LRRK1: variants seen among roughly 807,000 people sequenced by gnomAD.
LRRK1 encodes leucine rich repeat kinase 1, also known as leucine-rich repeat serine/threonine-protein kinase 1.
LRRK1 carries 113 observed loss-of-function variants against 209.1 expected under a neutral mutation model. That is an observed-to-expected ratio of 0.54 (90% CI 0.46 to 0.63). The LOEUF is 0.63. Among genes scored for constraint, LRRK1 ranks in the 30% least tolerant of loss-of-function variants. The pLI, the probability that LRRK1 is intolerant of heterozygous loss-of-function variation, is 0.00. For missense variants in LRRK1, 2,284 were observed against 2,632.2 expected, an observed-to-expected ratio of 0.87 and a Z score of 2.89; for synonymous variants, 1,144 against 1,099.7, an observed-to-expected ratio of 1.04 and a Z score of -0.80.
In LRRK1 at chr15:101,074,875, T is replaced by A. The variant is rs967632485; in HGVS notation, c.*6027T>A. On this transcript the variant is annotated 3_prime_UTR_variant, in exon 34 of 34. Coordinates refer to ENST00000388948, the MANE Select transcript of LRRK1 (RefSeq NM_024652.6). ...GCAGCCCAGGATTCCTCCTAAGCCGTGTCCCATCTGTGCGGGACCCCACTG... is the reference window on the plus strand; with the variant it reads ...GCAGCCCAGGATTCCTCCTAAGCCGAGTCCCATCTGTGCGGGACCCCACTG... 1.3e-5 allele frequency: 2 copies of A among 151,972 alleles called. No homozygotes were observed. Among genetic ancestry groups the A allele is most frequent in the East Asian group, 3.9e-4 (2 of 5,144 alleles). 9.4% of individuals were successfully genotyped at this position (151,972 alleles called of 1,614,324 possible). A position where few individuals can be genotyped will look rare whatever the true frequency, so the allele number is the denominator to read the frequency against.
chr15:101,069,066 C>A lies in LRRK1; in HGVS notation c.*218C>A. On this transcript the variant is annotated 3_prime_UTR_variant, in exon 34 of 34. Transcript: ENST00000388948. ...AGAGTTCTCTGAATACCCCATCCCCCAACTGCTGATTTTACAGCCCCAGGG... is the reference window on the plus strand; with the variant it reads ...AGAGTTCTCTGAATACCCCATCCCCAAACTGCTGATTTTACAGCCCCAGGG... The A allele has an allele frequency of 2.2e-6, 1 of 446,594 alleles. No individual in the cohort carries two copies. 27.7% of individuals were successfully genotyped at this position (446,594 alleles called of 1,614,324 possible).
chr15:101,006,134 G>GTAGCA (rs1322598952), intron 6 of LRRK1, among the ~76,000 whole-genome samples: 25 of 152,286 alleles, frequency 1.6e-4, no homozygotes, highest in African/African-American at 5.8e-4. Flanking sequence ...AGACCAAACA[G>GTAGCA]GGCACCACCT....
chr15:100,946,884 T>C (rs1049652685), intron 2 of LRRK1, among the ~76,000 whole-genome samples: 1 of 152,228 alleles, frequency 6.6e-6, no homozygotes, highest in African/African-American at 2.4e-5. Context: ...TAGAAAACTA[T>C]TTTCAACACA....
chr15:101,032,599 T>C (rs374575382), intron 20 of LRRK1, among the ~76,000 whole-genome samples: 27 of 152,336 alleles, frequency 1.8e-4, no homozygotes, highest in African/African-American at 4.8e-4. Flanking sequence ...CTTGACAATC[T>C]TTCTTTATTT....
At position 101,073,733 on chromosome 15, in the gene LRRK1, C is replaced by A. The variant is rs975657920; in HGVS notation, c.*4885C>A. On this transcript the variant is annotated 3_prime_UTR_variant, in exon 34 of 34. Coordinates refer to ENST00000388948, the MANE Select transcript of LRRK1 (RefSeq NM_024652.6). The stretch of plus-strand genomic sequence containing the variant: ...TCCCACTTTTCTGGAGAGTAAGAAC[C>A]CCTGAACCGCTTCTCTCCGTGTCTC... The A allele has an allele frequency of 2.6e-5, 4 of 151,586 alleles. No homozygotes were observed. The highest frequency in any genetic ancestry group is 4.9e-5 in the African/African-American group (2 of 41,170). The allele number at this position is 151,586 out of a possible 1,614,324, so 9.4% of individuals were successfully genotyped here.
chr15:101,018,063 C>T (rs1404343859), intron 12 of LRRK1, among the ~76,000 whole-genome samples: 1 of 151,134 alleles, frequency 6.6e-6, no homozygotes, highest in East Asian at 1.9e-4. Flanking sequence ...CAGTGGGAAG[C>T]ATCATAAACC....
chr15:100,970,386 T>A (rs2030782785), intron 2 of LRRK1, among the ~76,000 whole-genome samples: 1 of 152,204 alleles, frequency 6.6e-6, no homozygotes, highest in Non-Finnish European at 1.5e-5. Flanking sequence ...CCAGCACTTT[T>A]TACTGAAAAG....
intron 20 of LRRK1, among the ~76,000 whole-genome samples, chr15:101,044,720 G>A (rs1002872435): frequency 3.3e-5 from 5 of 152,230 alleles, no homozygotes; most frequent in African/African-American, 1.2e-4. Flanking sequence ...CTCCGACAAG[G>A]AGAAGAGCAA....
At chr15:101,067,057 A>G (rs1322581035) in intron 33 of LRRK1, among the ~76,000 whole-genome samples, 1 of 152,198 alleles carries the variant, frequency 6.6e-6, no homozygotes, top group African/African-American at 2.4e-5. Flanking sequence ...CATCCAGGTC[A>G]TTGATTCACT....
At position 101,056,978 on chromosome 15, in the gene LRRK1, G is replaced by A; in HGVS notation, c.4455G>A (p.Gly1485=). The change falls in exon 28 of 34, where the codon GGG becomes GGA. Residue 1485 remains glycine, a synonymous_variant. Coordinates refer to ENST00000388948, the MANE Select transcript of LRRK1 (RefSeq NM_024652.6). ...CCAAGGGCATCCGCCCGGTTCTGGG[G>A]CAGCCGGAGGAAGTGCAGTTCCGGC... The part of the protein sequence containing the change: ...KLSKGIRPVL[G]QPEEVQFRRL... 2 of 1,614,146 alleles carry A rather than the reference G, an allele frequency of 1.2e-6. No individual in the cohort carries two copies. Among genetic ancestry groups the A allele is most frequent in the Admixed American group, 1.7e-5 (1 of 60,018 alleles).
chr15:101,069,905 C>CT lies in LRRK1; in HGVS notation c.*1057_*1058insT, dbSNP rs1294700120. On this transcript the variant is annotated 3_prime_UTR_variant, in exon 34 of 34. Coordinates refer to ENST00000388948, the MANE Select transcript of LRRK1 (RefSeq NM_024652.6). Reference sequence around the variant, plus strand: ...ACACACATGCACACACATATGCACACACATGTGCAAACATAGCCACTTTTT... The same window carrying CT: ...ACACACATGCACACACATATGCACACTACATGTGCAAACATAGCCACTTTTT... The CT allele has an allele frequency of 7.2e-5, 11 of 152,370 alleles. No homozygotes were observed. The highest frequency in any genetic ancestry group is 4.1e-4 in the South Asian group (2 of 4,832). The allele number at this position is 152,370 out of a possible 1,614,324, so 9.4% of individuals were successfully genotyped here. A position where few individuals can be genotyped will look rare whatever the true frequency, so the allele number is the denominator to read the frequency against.
At chr15:101,030,813 G>A (rs1001880300) in intron 20 of LRRK1, among the ~76,000 whole-genome samples, 11 of 152,170 alleles carry the variant, frequency 7.2e-5, no homozygotes, top group Admixed American at 5.9e-4. Context: ...ATTTGGTTAC[G>A]TAAGTTCTTT....
At chr15:101,002,059 T>C (rs2032720830) in intron 6 of LRRK1, among the ~76,000 whole-genome samples, 3 of 152,230 alleles carry the variant, frequency 2.0e-5, no homozygotes, top group African/African-American at 7.2e-5. Context: ...CTGCTGAGGT[T>C]CAAACCAGGC....
At chr15:100,940,607 T>C (rs1206603200) in intron 2 of LRRK1, among the ~76,000 whole-genome samples, 1 of 152,224 alleles carries the variant, frequency 6.6e-6, no homozygotes, top group Non-Finnish European at 1.5e-5. Flanking sequence ...TAGTTGATTC[T>C]TGTTTGTGGA....
intron 2 of LRRK1, among the ~76,000 whole-genome samples, chr15:100,964,027 G>A (rs2141639752): frequency 6.6e-6 from 1 of 152,246 alleles, no homozygotes; most frequent in East Asian, 1.9e-4. Flanking sequence ...GATTTGGTGA[G>A]TATATCCACA....
At position 101,022,738 on chromosome 15, in the gene LRRK1, A is replaced by G. The variant is rs7166060; in HGVS notation, c.2067+141A>G. The G allele has an allele frequency of 0.99, 586,705 of 593,410 alleles. 290,237 individuals carry two copies. The highest frequency in any genetic ancestry group is 1 in the East Asian group (35,650 of 35,656). 36.8% of individuals were successfully genotyped at this position (593,410 alleles called of 1,614,324 possible). A position where few individuals can be genotyped will look rare whatever the true frequency, so the allele number is the denominator to read the frequency against. ...CCCTTTGCAGGAGCCACTGTGTACC[A>G]TTCCATACCAGCTTCTGCCAAGAGC... On this transcript the variant is annotated intron_variant, in intron 15 of 33. Transcript: ENST00000388948. The surrounding 1 kb of genome is among the most constrained non-coding windows in gnomAD (Gnocchi z 4.0).
intron 31 of LRRK1, among the ~76,000 whole-genome samples, 161 bp downstream of exon 31, chr15:101,062,851 G>A (rs550335572): frequency 6.6e-6 from 1 of 152,344 alleles, no homozygotes; most frequent in East Asian, 1.9e-4. Flanking sequence ...ATCAGACCTG[G>A]TCCGTCATTA....
chr15:100,922,878 C>G (rs906130728), intron 1 of LRRK1, among the ~76,000 whole-genome samples: 4 of 152,200 alleles, frequency 2.6e-5, no homozygotes, highest in African/African-American at 9.7e-5. Flanking sequence ...TGGAGCCTGG[C>G]TTTTCTAGCT....
At chr15:100,972,327 T>C (rs956390186) in intron 2 of LRRK1, among the ~76,000 whole-genome samples, 3 of 118,340 alleles carry the variant, frequency 2.5e-5, no homozygotes, top group Non-Finnish European at 3.4e-5. Flanking sequence ...GATATATATA[T>C]ATATATATGA....
Sources: gnomAD v4.1 joint callset for allele counts (sites outside exome capture counted in the v4.1 genomes callset) on GRCh38, gnomAD v4.1.1 for gene constraint, Gnocchi (gnomAD v3.1) non-coding constraint, MANE v1.5 for transcripts, NCBI Gene and HGNC (gene_info 2026-07-23, HGNC 2026-07-21) for gene names.